The following EDIL3 variants were observed in gnomAD, a reference collection of about 807,000 sequenced individuals.
EDIL3 encodes the protein EGF-like repeat and discoidin I-like domain-containing protein 3.
Under a neutral mutation model 67.4 loss-of-function variants are expected in EDIL3, and 37 were observed. That is an observed-to-expected ratio of 0.55 (90% CI 0.42 to 0.72). The LOEUF is 0.72. EDIL3 is among the 30% of genes least tolerant of loss of function. The pLI is 0.00. For missense variants in EDIL3, 527 were observed against 586.3 expected (o/e 0.90, Z 1.04); for synonymous variants, 195 against 196.3 (o/e 0.99, Z 0.05).
rs548533979 is a variant in EDIL3, at chr5:84,364,058, A to C, written c.67+20250T>G. 2.6e-5 allele frequency among the ~76,000 whole-genome samples: 4 copies of C among 152,292 alleles called. No individual in the cohort carries two copies. In the South Asian group the frequency reaches 8.3e-4, roughly 32 times the overall value. On this transcript the variant is annotated intron_variant, in intron 1 of 10. Transcript: ENST00000296591. The stretch of plus-strand genomic sequence containing the variant: ...ACAGTAAAATATACAAACACAACCA[A>C]GGGAAGATTATAGAAGAAGTGAAAT...
At chr5:84,369,145 A>G (rs1747794955) in intron 1 of EDIL3, among the ~76,000 whole-genome samples, 1 of 151,776 alleles carries the variant, frequency 6.6e-6, no homozygotes, top group Non-Finnish European at 1.5e-5. Flanking sequence ...ACAGACTCTG[A>G]AAGGGATACT....
intron 9 of EDIL3, among the ~76,000 whole-genome samples, chr5:84,029,138 T>A (rs1745872474): frequency 6.6e-6 from 1 of 152,104 alleles, no homozygotes; most frequent in African/African-American, 2.4e-5. Flanking sequence ...GTGCCTGTAG[T>A]CCCAGCTACT....
In EDIL3 at chr5:84,312,230, T is replaced by C. The variant is rs565915549; in HGVS notation, c.68-58018A>G. Among the ~76,000 whole-genome samples, 578 of 100,492 alleles carry C rather than the reference T, an allele frequency of 5.8e-3. 2 individuals are homozygous for C. The highest frequency in any genetic ancestry group is 0.022 in the African/African-American group (509 of 23,122). 65.9% of individuals were successfully genotyped at this position (100,492 alleles called of 152,430 possible). On this transcript the variant is annotated intron_variant, in intron 1 of 10. Transcript: ENST00000296591. Reference sequence around the variant, plus strand: ...CTCCCCGACGGGGCGGCTGGCCGGGTGGGGGGCTGACCCCCCCACCTCCCT... The same window carrying C: ...CTCCCCGACGGGGCGGCTGGCCGGGCGGGGGGCTGACCCCCCCACCTCCCT...
chr5:84,017,673 T>G (rs1745631607), intron 9 of EDIL3, among the ~76,000 whole-genome samples: 1 of 152,184 alleles, frequency 6.6e-6, no homozygotes, highest in African/African-American at 2.4e-5. Flanking sequence ...GAAACATGAC[T>G]TTGGAAAAAT....
chr5:84,047,181 G>GT (rs1020949543), intron 9 of EDIL3, among the ~76,000 whole-genome samples: 1 of 152,076 alleles, frequency 6.6e-6, no homozygotes, highest in African/African-American at 2.4e-5. Context: ...ATTGTACCCT[G>GT]TATCTGGGGT....
rs559883870 is a variant in EDIL3 at position 84,216,982 on chromosome 5, C to G, written c.226+12873G>C. Reference sequence around the variant, plus strand: ...ACAGCTAGTTATCGCAAGACAAAAGCCCCTGAAGTTCAGACCTGAAGGCCC... The same window carrying G: ...ACAGCTAGTTATCGCAAGACAAAAGGCCCTGAAGTTCAGACCTGAAGGCCC... On this transcript the variant is annotated intron_variant, in intron 3 of 10. Coordinates refer to ENST00000296591, the MANE Select transcript of EDIL3 (RefSeq NM_005711.5). 1.1e-4 allele frequency among the ~76,000 whole-genome samples: 16 copies of G among 152,206 alleles called. No homozygotes were observed. In the South Asian group the frequency reaches 2.9e-3, roughly 28 times the overall value.
rs1408758846 is a variant in EDIL3 at position 83,959,934 on chromosome 5, ACATTTTCT to A, written c.1293+3263_1293+3270del. Among the ~76,000 whole-genome samples, 10 of 151,174 alleles carry A rather than the reference ACATTTTCT, an allele frequency of 6.6e-5. No homozygotes were observed. In the East Asian group the frequency reaches 2.0e-3, roughly 30 times the overall value. On this transcript the variant is annotated intron_variant, in intron 10 of 10. Coordinates refer to ENST00000296591, the MANE Select transcript of EDIL3 (RefSeq NM_005711.5). ...CAAGTGTTTAAATAACTTAGGCAATACATTTTCTCATTTGTTTTATAAAATTCTTTTCT... is the reference window on the plus strand; with the variant it reads ...CAAGTGTTTAAATAACTTAGGCAATACATTTGTTTTATAAAATTCTTTTCT...
At chr5:84,116,337 A>G (rs559742672) in intron 5 of EDIL3, among the ~76,000 whole-genome samples, 3 of 152,178 alleles carry the variant, frequency 2.0e-5, no homozygotes, top group Non-Finnish European at 2.9e-5. Flanking sequence ...CTAGAAAAGT[A>G]TAGTAGATGA....
intron 6 of EDIL3, among the ~76,000 whole-genome samples, chr5:84,070,475 C>T (rs1746718500): frequency 6.6e-6 from 1 of 152,210 alleles, no homozygotes; most frequent in African/African-American, 2.4e-5. Flanking sequence ...AAGGGAGCCA[C>T]ATCCCATCAC....
At chr5:84,065,702 T>A (rs1746627232) in intron 7 of EDIL3, among the ~76,000 whole-genome samples, 1 of 152,160 alleles carries the variant, frequency 6.6e-6, no homozygotes, top group African/African-American at 2.4e-5. Flanking sequence ...TTTATTTTGC[T>A]AAGTAACAAA....
At chr5:84,195,011 A>G (rs189314282) in intron 3 of EDIL3, among the ~76,000 whole-genome samples, 168 of 152,070 alleles carry the variant, frequency 1.1e-3, no homozygotes, top group African/African-American at 3.8e-3. Flanking sequence ...AAAAGAAGTG[A>G]CAATAATCCA....
At chr5:84,171,091 G>A (rs1218482034) in intron 4 of EDIL3, among the ~76,000 whole-genome samples, 1 of 151,990 alleles carries the variant, frequency 6.6e-6, no homozygotes. Context: ...CACCGCACCT[G>A]GCTGAATCAG....
chr5:84,383,447 G>A (rs1051472481), intron 1 of EDIL3, among the ~76,000 whole-genome samples: 5 of 152,184 alleles, frequency 3.3e-5, no homozygotes, highest in Non-Finnish European at 1.5e-5. Flanking sequence ...TCTTTTAAAT[G>A]CTTTTTTCTT....
intron 1 of EDIL3, among the ~76,000 whole-genome samples, chr5:84,346,548 T>C (rs1008200567): frequency 6.6e-6 from 1 of 152,216 alleles, no homozygotes; most frequent in African/African-American, 2.4e-5. Flanking sequence ...CTGAGGTAGA[T>C]GAGTACAGTG....
chr5:84,143,628 T>C (rs1748243690), intron 4 of EDIL3, among the ~76,000 whole-genome samples: 2 of 152,034 alleles, frequency 1.3e-5, no homozygotes, highest in South Asian at 4.1e-4. Context: ...TTTACACAGA[T>C]ATTTGGCCAG....
chr5:84,369,771 T>C (rs1437588429), intron 1 of EDIL3, among the ~76,000 whole-genome samples: 1 of 152,148 alleles, frequency 6.6e-6, no homozygotes, highest in Non-Finnish European at 1.5e-5. Context: ...CATTTTACTA[T>C]AATAATTAAA....
intron 4 of EDIL3, among the ~76,000 whole-genome samples, chr5:84,144,499 C>A (rs979148485): frequency 2.6e-5 from 4 of 152,018 alleles, no homozygotes; most frequent in African/African-American, 9.7e-5. Flanking sequence ...CTCCAAATAT[C>A]AAAACTAAAT....
intron 2 of EDIL3, among the ~76,000 whole-genome samples, chr5:84,230,736 T>TTC (rs748744894): frequency 1.4e-4 from 19 of 133,370 alleles, no homozygotes; most frequent in East Asian, 1.4e-3. Context: ...AAGATTCCAG[T>TTC]TCTCTCTCTC....
chr5:84,162,443 G>A (rs564856830), intron 4 of EDIL3, among the ~76,000 whole-genome samples: 3 of 152,232 alleles, frequency 2.0e-5, no homozygotes, highest in East Asian at 3.9e-4. Context: ...CAGTACCAAA[G>A]TGGATGAGAT....
Sources: gnomAD v4.1 joint callset for allele counts (sites outside exome capture counted in the v4.1 genomes callset) on GRCh38, gnomAD v4.1.1 for gene constraint, MANE v1.5 for transcripts, NCBI Gene and HGNC (gene_info 2026-07-23, HGNC 2026-07-21) for gene names.